The following UNC5A variants were observed in gnomAD, a reference collection of about 807,000 sequenced individuals.
The protein encoded by UNC5A is netrin receptor UNC5A.
A neutral mutation model predicts 87.4 loss-of-function variants in UNC5A; 20 were observed. The ratio of observed to expected loss-of-function variants is 0.23; its 90% confidence interval spans 0.16 to 0.33. The LOEUF (loss-of-function observed/expected upper bound fraction) is 0.33, where lower values mean the gene tolerates loss of function less well. Ranked by LOEUF, UNC5A falls within the 10% of genes least tolerant of loss-of-function variation. The probability of loss-of-function intolerance (pLI) is 1.00; values close to 1 mark genes in which losing one functional copy is unlikely to be tolerated. For synonymous variants in UNC5A, 438 were observed against 482.3 expected (o/e 0.91, Z 1.20); for missense variants, 844 against 1,133.4 (o/e 0.74, Z 3.67).
chr5:176,880,049 A>C lies in UNC5A; in HGVS notation c.*163A>C. 5.4e-6 allele frequency: 5 copies of C among 922,338 alleles called. No homozygotes were observed. The highest frequency in any genetic ancestry group is 1.9e-5 in the South Asian group (1 of 53,774). 57.1% of individuals were successfully genotyped at this position (922,338 alleles called of 1,614,324 possible). A position where few individuals can be genotyped will look rare whatever the true frequency, so the allele number is the denominator to read the frequency against. ...TGCTGGTCCTTCAGACCCTGCCCGA[A>C]CTCCCACCTCTCCATGGCCTGCCTA... On this transcript the variant is annotated 3_prime_UTR_variant, in exon 15 of 15. Coordinates refer to ENST00000329542, the MANE Select transcript of UNC5A (RefSeq NM_133369.3).
chr5:176,837,125 C>T (rs188488304), intron 1 of UNC5A, among the ~76,000 whole-genome samples: 20 of 152,266 alleles, frequency 1.3e-4, no homozygotes, highest in African/African-American at 4.8e-4. Flanking sequence ...CAGTCCCTCA[C>T]CCCCATTGCT....
chr5:176,846,075 G>T (rs1757396189), intron 1 of UNC5A, among the ~76,000 whole-genome samples: 1 of 152,182 alleles, frequency 6.6e-6, no homozygotes, highest in Non-Finnish European at 1.5e-5. Flanking sequence ...ACAGGGAGCT[G>T]GTCATCTGGG....
Position 176,868,953 on chromosome 5 carries a change from T to C in UNC5A, c.710T>C (p.Val237Ala). 6.2e-7 allele frequency: 1 copy of C among 1,605,274 alleles called. No homozygotes were observed. The highest frequency in any genetic ancestry group is 8.5e-7 in the Non-Finnish European group (1 of 1,175,118). Residue 237 changes from valine to alanine, a missense_variant, in exon 5 of 15, where the codon GTC becomes GCC. Transcript: ENST00000329542. ...CGTCGCCGCAGCGCCTCCGCTGCTGTCATCGTCTACGGTGGGCCCCGGGAC... is the reference window on the plus strand; with the variant it reads ...CGTCGCCGCAGCGCCTCCGCTGCTGCCATCGTCTACGGTGGGCCCCGGGAC... ...VARRRSASAA[V>A]IVYVDGSWSP...
chr5:176,827,127 G>A (rs1756874259), intron 1 of UNC5A, among the ~76,000 whole-genome samples: 1 of 150,182 alleles, frequency 6.7e-6, no homozygotes, highest in Non-Finnish European at 1.5e-5. Context: ...AGCATAATGT[G>A]CTCCAGGTTC....
chr5:176,877,072 T>C, intron 8 of UNC5A, 120 bp from the exon 9 acceptor site: 1 of 785,058 alleles, frequency 1.3e-6, no homozygotes, highest in Non-Finnish European at 2.1e-6. Flanking sequence ...GAGGCCCCTC[T>C]GTCCCCAGGC....
intron 1 of UNC5A, among the ~76,000 whole-genome samples, chr5:176,816,668 T>C (rs1213352991): frequency 6.6e-6 from 1 of 152,256 alleles, no homozygotes. Flanking sequence ...AGTTTCCTTG[T>C]CTGTACAACT....
At chr5:176,812,233 G>A (rs1049673495) in intron 1 of UNC5A, among the ~76,000 whole-genome samples, 25 of 152,252 alleles carry the variant, frequency 1.6e-4, no homozygotes, top group Admixed American at 5.9e-4. Context: ...ATGAGCACCC[G>A]GGTGCAGGTT....
At position 176,810,680 on chromosome 5, in the gene UNC5A, C is replaced by A. The variant is rs1007956984; in HGVS notation, c.-71C>A. 1 of 548,530 alleles carries A rather than the reference C, an allele frequency of 1.8e-6. No individual in the cohort carries two copies. Among genetic ancestry groups the A allele is most frequent in the Non-Finnish European group, 2.3e-6 (1 of 428,786 alleles). 34.0% of individuals were successfully genotyped at this position (548,530 alleles called of 1,614,324 possible). A position where few individuals can be genotyped will look rare whatever the true frequency, so the allele number is the denominator to read the frequency against. On this transcript the variant is annotated 5_prime_UTR_variant, in exon 1 of 15. In the 5' UTR this introduces an upstream ATG that the reference lacks. Transcript: ENST00000329542. The surrounding 1 kb of genome is among the most constrained non-coding windows in gnomAD (Gnocchi z 7.3). ...GGGCGCCCCGAGCTGGGGCTCCGGGCTGAGGCGCTAAAGCCGCCCTCCCGC... is the reference window on the plus strand; with the variant it reads ...GGGCGCCCCGAGCTGGGGCTCCGGGATGAGGCGCTAAAGCCGCCCTCCCGC...
chr5:176,811,792 G>T (rs575599943), intron 1 of UNC5A, among the ~76,000 whole-genome samples: 1 of 152,048 alleles, frequency 6.6e-6, no homozygotes, highest in East Asian at 1.9e-4. Context: ...GCTTACCCTG[G>T]CAATTCTCGA....
At chr5:176,847,007 C>G (rs1561652961) in intron 1 of UNC5A, among the ~76,000 whole-genome samples, 2 of 152,142 alleles carry the variant, frequency 1.3e-5, no homozygotes, top group East Asian at 3.9e-4. Context: ...AGGGAGCGCC[C>G]CCGTCAAGCC....
At chr5:176,876,609 G>A (rs1758267459) in intron 8 of UNC5A, among the ~76,000 whole-genome samples, 1 of 152,238 alleles carries the variant, frequency 6.6e-6, no homozygotes, top group Non-Finnish European at 1.5e-5. Context: ...CAGCCGACGG[G>A]AGGGCATCCA....
intron 1 of UNC5A, among the ~76,000 whole-genome samples, chr5:176,856,581 C>A (rs1215878384): frequency 6.6e-6 from 1 of 152,186 alleles, no homozygotes; most frequent in African/African-American, 2.4e-5. Flanking sequence ...TGGCATTAAC[C>A]CAGATGGAGG....
At chr5:176,829,485 G>A (rs1349563247) in intron 1 of UNC5A, among the ~76,000 whole-genome samples, 1 of 149,306 alleles carries the variant, frequency 6.7e-6, no homozygotes, top group Non-Finnish European at 1.5e-5. Flanking sequence ...TGGATGGTTG[G>A]GTGGGTGGAT....
intron 2 of UNC5A, 67 bp from the exon 3 acceptor site, chr5:176,868,063 C>T: frequency 6.6e-7 from 1 of 1,511,096 alleles, no homozygotes; most frequent in South Asian, 1.2e-5. Flanking sequence ...GAGGGTGGCG[C>T]AGGAACCCAC....
In UNC5A at chr5:176,869,321, T is replaced by C. The variant is rs529365734; in HGVS notation, c.721+357T>C. On this transcript the variant is annotated intron_variant, in intron 5 of 14. Transcript: ENST00000329542. The surrounding 1 kb of genome is among the most constrained non-coding windows in gnomAD (Gnocchi z 9.1). ...CCCCCAGGAGCCAGCAGAGGGAGGGTGCGGGAGTCACCCCAGGAGAGGCTG... is the reference window on the plus strand; with the variant it reads ...CCCCCAGGAGCCAGCAGAGGGAGGGCGCGGGAGTCACCCCAGGAGAGGCTG... 5.4e-4 allele frequency among the ~76,000 whole-genome samples: 82 copies of C among 151,624 alleles called. No individual in the cohort carries two copies. Among genetic ancestry groups the C allele is most frequent in the Non-Finnish European group, 8.8e-4 (60 of 67,826 alleles).
intron 1 of UNC5A, among the ~76,000 whole-genome samples, chr5:176,849,963 G>A (rs1460519996): frequency 1.3e-5 from 2 of 152,240 alleles, no homozygotes; most frequent in Non-Finnish European, 2.9e-5. Flanking sequence ...CCCTGAGCTG[G>A]ACACTGCTGA....
In UNC5A at chr5:176,879,834, G is replaced by A; in HGVS notation, c.2477G>A (p.Gly826Glu). 1 of 1,612,548 alleles carries A rather than the reference G, an allele frequency of 6.2e-7. No individual in the cohort carries two copies. The highest frequency in any genetic ancestry group is 1.1e-5 in the South Asian group (1 of 91,062). Residue 826 changes from glycine to glutamate, a missense_variant, in exon 15 of 15, where the codon GGA (glycine) becomes GAA (glutamate). This residue lies in a region of UNC5A where 177 missense variants were observed against 279.4 expected (regional missense o/e 0.63). Transcript: ENST00000329542. ...NLSQLAAAVA[G>E]LGQPDAGLFT... is the part of the protein sequence containing the mutation. The stretch of plus-strand genomic sequence containing the variant: ...AGCCAGCTGGCTGCAGCAGTGGCTG[G>A]ACTGGGCCAGCCAGACGCTGGCCTC...
chr5:176,870,465 A>C lies in UNC5A; in HGVS notation c.817A>C (p.Asn273His), dbSNP rs1371743064. The change falls in exon 6 of 15, where the codon AAC becomes CAC. Residue 273 changes from asparagine (N) to histidine (H), a missense_variant. Transcript: ENST00000329542. ...SRECSDPAPR[N>H]GGEECQGTDL... Reference sequence around the variant, plus strand: ...TGAGTGCTCTGACCCAGCACCCCGCAACGGAGGGGAGGAGTGCCAGGGCAC... The same window carrying C: ...TGAGTGCTCTGACCCAGCACCCCGCCACGGAGGGGAGGAGTGCCAGGGCAC... The C allele has an allele frequency of 6.2e-7, 1 of 1,611,288 alleles. No individual in the cohort carries two copies. Among genetic ancestry groups the C allele is most frequent in the Non-Finnish European group, 8.5e-7 (1 of 1,178,660 alleles).
At position 176,879,317 on chromosome 5, in the gene UNC5A, G is replaced by A; in HGVS notation, c.2192G>A (p.Arg731Lys). Residue 731 changes from arginine to lysine, a missense_variant, in exon 14 of 15, where the codon AGG (arginine) becomes AAG (lysine). Transcript: ENST00000329542. ...TTTCCCTCCCACCTCCAGGACACAA[G>A]GTTTGCTGAGCTGCTGGCTCTGGAG... ...SINFNITKDT[R>K]FAELLALESE... 1 of 1,601,554 alleles carries A rather than the reference G, an allele frequency of 6.2e-7. No homozygotes were observed. Among genetic ancestry groups the A allele is most frequent in the Non-Finnish European group, 8.5e-7 (1 of 1,174,276 alleles).
Sources: allele counts gnomAD v4.1 joint callset (sites outside exome capture counted in the v4.1 genomes callset), GRCh38; gene constraint gnomAD v4.1.1; regional missense constraint gnomAD v4.1.1; non-coding constraint Gnocchi (gnomAD v3.1); transcripts MANE v1.5; gene names NCBI Gene and HGNC (gene_info 2026-07-23, HGNC 2026-07-21).